The following YY1AP1 variants were observed in gnomAD, a reference collection of about 807,000 sequenced individuals.
The protein encoded by YY1AP1 is YY1 associated protein 1.
A neutral mutation model predicts 39.9 loss-of-function variants in YY1AP1; 43 were observed. That is an observed-to-expected ratio of 1.08 (90% CI 0.84 to 1.39). The LOEUF (loss-of-function observed/expected upper bound fraction) is 1.39, where lower values mean the gene tolerates loss of function less well. Among genes scored for constraint, YY1AP1 ranks in the 40% most tolerant of loss-of-function variants. YY1AP1 has a pLI of 0.00. For synonymous variants in YY1AP1, 292 were observed against 331.3 expected, an observed-to-expected ratio of 0.88 and a Z score of 1.29; for missense variants, 813 against 900.7, an observed-to-expected ratio of 0.90 and a Z score of 1.25.
chr1:155,688,603 C>T, intron 1 of YY1AP1, 56 bp downstream of exon 1: 1 of 1,535,692 alleles, frequency 6.5e-7, no homozygotes, highest in Non-Finnish European at 8.7e-7. Context: ...TCGCCCAGTT[C>T]TCCACTCCCC....
At chr1:155,678,216 CA>C (rs1438142021) in intron 4 of YY1AP1, among the ~76,000 whole-genome samples, 1 of 152,134 alleles carries the variant, frequency 6.6e-6, no homozygotes, top group Admixed American at 6.5e-5. Context: ...AGCCTGGGAG[CA>C]ATAGGTATGC....
chr1:155,667,139 CT>C (rs1382194846), intron 9 of YY1AP1, among the ~76,000 whole-genome samples: 1 of 152,300 alleles, frequency 6.6e-6, no homozygotes, highest in East Asian at 1.9e-4. Context: ...TGAGCTATGA[CT>C]ATACCACTGT....
intron 9 of YY1AP1, among the ~76,000 whole-genome samples, chr1:155,667,732 G>C (rs1649224269): frequency 6.6e-6 from 1 of 151,942 alleles, no homozygotes; most frequent in Non-Finnish European, 1.5e-5. Flanking sequence ...TGAGGCAGGA[G>C]AATCACTTGA....
chr1:155,686,353 G>A (rs1247436435), intron 2 of YY1AP1, among the ~76,000 whole-genome samples: 1 of 151,992 alleles, frequency 6.6e-6, no homozygotes, highest in Admixed American at 6.6e-5. Flanking sequence ...ACCGCGCCCT[G>A]CCGAAATCAG....
chr1:155,679,058 C>A lies in YY1AP1; in HGVS notation c.125+351G>T. On this transcript the variant is annotated intron_variant, in intron 4 of 10. Coordinates refer to ENST00000355499, the MANE Select transcript of YY1AP1 (RefSeq NM_139119.3). ...AGTCACATTTAGCAGATATTAATGG[C>A]ACATAAAAAGAACAAAAGGGACAGA... 5 of 1,127,926 alleles carry A rather than the reference C, an allele frequency of 4.4e-6. No individual in the cohort carries two copies. The South Asian group carries it at 8.1e-5, about 18-fold the overall frequency. The allele number at this position is 1,127,926 out of a possible 1,614,324, so 69.9% of individuals were successfully genotyped here.
At chr1:155,680,609 CG>C (rs1651373860) in intron 2 of YY1AP1, among the ~76,000 whole-genome samples, 153 bp from the exon 3 acceptor site, 1 of 152,206 alleles carries the variant, frequency 6.6e-6, no homozygotes, top group South Asian at 2.1e-4. Context: ...CTCTGTCACC[CG>C]GGCTGGAGGG....
rs772106735 is a variant in YY1AP1, at chr1:155,660,351, A to G, written c.1559T>C (p.Met520Thr). The G allele has an allele frequency of 6.2e-7, 1 of 1,614,126 alleles. No homozygotes were observed. Among genetic ancestry groups the G allele is most frequent in the Admixed American group, 1.7e-5 (1 of 60,018 alleles). The change falls in exon 11 of 11, where the codon ATG (methionine) becomes ACG (threonine). Residue 520 changes from methionine (M) to threonine (T), a missense_variant. Physicochemically the swap from Met to Thr is moderately conservative, Grantham distance 81. Coordinates refer to ENST00000355499, the MANE Select transcript of YY1AP1 (RefSeq NM_139119.3). ...KVMMPSPASS[M>T]FRKPYVRRRP... Reference sequence around the variant, plus strand: ...CCGTCTCACATATGGCTTTCGAAACATGGAAGAGGCAGGGGAGGGCATCAT... The same window carrying G: ...CCGTCTCACATATGGCTTTCGAAACGTGGAAGAGGCAGGGGAGGGCATCAT...
Position 155,688,442 on chromosome 1 carries a change from C to T in YY1AP1, c.-152+217G>A, listed in dbSNP as rs1237977297. ...TCCTCGCGTTCTTCCCCACGGTCCC[C>T]CGCTTCGCCCGACTCCGGCCATGTA... On this transcript the variant is annotated intron_variant, in intron 1 of 10. Transcript: ENST00000355499. 4.5e-6 allele frequency: 7 copies of T among 1,548,590 alleles called. No individual in the cohort carries two copies. The East Asian group carries it at 1.5e-4, about 32-fold the overall frequency.
intron 2 of YY1AP1, among the ~76,000 whole-genome samples, chr1:155,687,079 TCA>T (rs1652530944): frequency 6.6e-6 from 1 of 152,204 alleles, no homozygotes; most frequent in Non-Finnish European, 1.5e-5. Context: ...CCTACCATTT[TCA>T]CAGAGATTCA....
chr1:155,666,925 G>A (rs911672891), intron 9 of YY1AP1, among the ~76,000 whole-genome samples: 6 of 152,120 alleles, frequency 3.9e-5, no homozygotes, highest in Non-Finnish European at 8.8e-5. Flanking sequence ...GCTTGAACCC[G>A]GTAGGTGGAG....
rs6661967 is a variant in YY1AP1, at chr1:155,679,893, A to G, written c.22-381T>C. On this transcript the variant is annotated intron_variant, in intron 3 of 10. Transcript: ENST00000355499. The stretch of plus-strand genomic sequence containing the variant: ...CAAATGACAGTAGGGGAAGCCATCA[A>G]AAGTTTTCAAGGGGCAAGATGTGCT... 667 of 767,382 alleles carry G rather than the reference A, an allele frequency of 8.7e-4. 3 individuals carry two copies. The African/African-American group carries it at 0.012, about 13-fold the overall frequency. 47.5% of individuals were successfully genotyped at this position (767,382 alleles called of 1,614,324 possible).
intron 4 of YY1AP1, among the ~76,000 whole-genome samples, chr1:155,676,997 A>G (rs1426854652): frequency 6.6e-6 from 1 of 152,188 alleles, no homozygotes; most frequent in African/African-American, 2.4e-5. Flanking sequence ...TATACAAATG[A>G]AGAAAAAATT....
chr1:155,673,984 A>G (rs954038713), intron 6 of YY1AP1, among the ~76,000 whole-genome samples: 1 of 151,804 alleles, frequency 6.6e-6, no homozygotes, highest in African/African-American at 2.4e-5. Flanking sequence ...AAACGGTGAA[A>G]CCCCGTCTCT....
intron 5 of YY1AP1, 136 bp downstream of exon 5, chr1:155,676,412 G>A (rs1650691911): frequency 1.9e-6 from 2 of 1,038,852 alleles, no homozygotes; most frequent in Non-Finnish European, 2.9e-6. Flanking sequence ...TAACTGATGT[G>A]AAGATACTAC....
At chr1:155,685,223 A>G (rs1019822446) in intron 2 of YY1AP1, among the ~76,000 whole-genome samples, 11 of 152,218 alleles carry the variant, frequency 7.2e-5, no homozygotes, top group Non-Finnish European at 1.5e-5. Flanking sequence ...TAGTGACAAA[A>G]AGTCTTTGCA....
intron 7 of YY1AP1, among the ~76,000 whole-genome samples, chr1:155,672,035 C>A (rs1344170735): frequency 6.6e-6 from 1 of 152,100 alleles, no homozygotes; most frequent in African/African-American, 2.4e-5. Flanking sequence ...AGAATCTAAA[C>A]CGGCAAATTT....
At chr1:155,679,601 C>CTTT in intron 3 of YY1AP1, 89 bp from the exon 4 acceptor site, 1 of 1,601,096 alleles carries the variant, frequency 6.2e-7, no homozygotes, top group Non-Finnish European at 8.5e-7. Flanking sequence ...AAACTATAAA[C>CTTT]AATACTTTAA....
At chr1:155,679,141 T>C in intron 4 of YY1AP1, 2 of 1,392,978 alleles carry the variant, frequency 1.4e-6, no homozygotes, top group East Asian at 3.4e-5. Context: ...CCTACATACC[T>C]CTCCAGCACC....
chr1:155,688,583 G>A (rs1172053436), intron 1 of YY1AP1, 76 bp downstream of exon 1: 6 of 1,536,526 alleles, frequency 3.9e-6, no homozygotes, highest in South Asian at 1.2e-5. Flanking sequence ...GCTCACCCAC[G>A]GGAACCTCCT....
Sources: gnomAD v4.1 joint callset for allele counts (sites outside exome capture counted in the v4.1 genomes callset) on GRCh38, gnomAD v4.1.1 for gene constraint, MANE v1.5 for transcripts, NCBI Gene and HGNC (gene_info 2026-07-23, HGNC 2026-07-21) for gene names.